The following EFCAB5 variants were observed in gnomAD, a reference collection of about 807,000 sequenced individuals.
EFCAB5 encodes EF-hand calcium-binding domain-containing protein 5.
In EFCAB5, 131 loss-of-function variants were observed where a neutral mutation model predicts 167.9. The observed-to-expected ratio is 0.78, with a 90% confidence interval of 0.68 to 0.90. EFCAB5 has a LOEUF of 0.90. Among genes scored for constraint, EFCAB5 ranks in the 40% least tolerant of loss-of-function variants. The probability of loss-of-function intolerance (pLI) is 0.00; values close to 1 mark genes in which losing one functional copy is unlikely to be tolerated. For missense variants in EFCAB5, 1,663 were observed against 1,745.2 expected (o/e 0.95, Z 0.84); for synonymous variants, 574 against 602.8 (o/e 0.95, Z 0.70).
chr17:30,027,424 T>A (rs1597692362), intron 7 of EFCAB5, among the ~76,000 whole-genome samples: 1 of 151,794 alleles, frequency 6.6e-6, no homozygotes, highest in East Asian at 1.9e-4. Flanking sequence ...ACTCTCTTTA[T>A]ACTTTATTAG....
intron 8 of EFCAB5, among the ~76,000 whole-genome samples, chr17:30,043,195 A>G (rs552821400): frequency 1.5e-4 from 23 of 152,292 alleles, no homozygotes; most frequent in African/African-American, 5.1e-4. Flanking sequence ...ACAAAATTCA[A>G]CACTCATTTC....
At chr17:30,039,725 C>A (rs1206312514) in intron 8 of EFCAB5, among the ~76,000 whole-genome samples, 6 of 152,202 alleles carry the variant, frequency 3.9e-5, no homozygotes, top group African/African-American at 9.6e-5. Flanking sequence ...ACCAGTGTAA[C>A]CCAGTGCTTA....
In EFCAB5 at chr17:29,989,343, G is replaced by A. The variant is rs11871224; in HGVS notation, c.768-3822G>A. Among the ~76,000 whole-genome samples, 328 of 152,326 alleles carry A rather than the reference G, an allele frequency of 2.2e-3. 2 individuals are homozygous for A. Among genetic ancestry groups the A allele is most frequent in the African/African-American group, 7.8e-3 (323 of 41,584 alleles). On this transcript the variant is annotated intron_variant, in intron 4 of 22. Transcript: ENST00000394835. Reference sequence around the variant, plus strand: ...TCCATATAATGAATAATGTAACACTGTGAAAATTTTTTACGAGTAGGTTCA... The same window carrying A: ...TCCATATAATGAATAATGTAACACTATGAAAATTTTTTACGAGTAGGTTCA...
intron 8 of EFCAB5, among the ~76,000 whole-genome samples, chr17:30,040,467 C>G (rs142777131): frequency 4.7e-4 from 71 of 152,268 alleles, no homozygotes; most frequent in African/African-American, 1.6e-3. Context: ...TACTTATGCT[C>G]TAGTTCAGAT....
intron 7 of EFCAB5, among the ~76,000 whole-genome samples, chr17:30,023,500 A>C (rs1337460592): frequency 6.6e-6 from 1 of 152,178 alleles, no homozygotes; most frequent in Non-Finnish European, 1.5e-5. Context: ...GAATCACTGA[A>C]TAGACCAATA....
Position 30,003,645 on chromosome 17 carries a change from G to A in EFCAB5, c.1044+3669G>A, listed in dbSNP as rs377083600. ...CTGAGTTGTATTTTTCAAAATTTTC[G>A]TTTTTCTTCATGTCTTTTATTTCTT... On this transcript the variant is annotated intron_variant, in intron 7 of 22. Coordinates refer to ENST00000394835, the MANE Select transcript of EFCAB5 (RefSeq NM_198529.4). Among the ~76,000 whole-genome samples, 30 of 150,034 alleles carry A rather than the reference G, an allele frequency of 2.0e-4. No homozygotes were observed. In the East Asian group the frequency reaches 3.1e-3, roughly 16 times the overall value.
chr17:30,010,007 C>G (rs1031866656), intron 7 of EFCAB5, among the ~76,000 whole-genome samples: 3 of 152,022 alleles, frequency 2.0e-5, no homozygotes, highest in African/African-American at 7.2e-5. Context: ...TGTCCTATGT[C>G]CAAGTGTTCT....
intron 6 of EFCAB5, among the ~76,000 whole-genome samples, chr17:29,998,024 AATTG>A (rs2068584370): frequency 6.6e-6 from 1 of 151,612 alleles, no homozygotes; most frequent in South Asian, 2.1e-4. Flanking sequence ...ATTTTTTTCC[AATTG>A]ATTATTTGAC....
intron 1 of EFCAB5, among the ~76,000 whole-genome samples, chr17:29,931,222 A>G (rs1197600613): frequency 6.6e-6 from 1 of 152,212 alleles, no homozygotes; most frequent in Non-Finnish European, 1.5e-5. Context: ...CACCGTACAT[A>G]TCAAAGCTGT....
intron 14 of EFCAB5, among the ~76,000 whole-genome samples, chr17:30,068,074 G>A (rs570368424): frequency 3.3e-5 from 5 of 152,238 alleles, no homozygotes; most frequent in African/African-American, 1.2e-4. Context: ...GGGAGGCGGA[G>A]GCGGGTGGAT....
chr17:30,055,848 T>C, intron 10 of EFCAB5, 40 bp from the exon 11 acceptor site: 1 of 1,587,550 alleles, frequency 6.3e-7, no homozygotes, highest in Non-Finnish European at 8.6e-7. Context: ...ATGGAATATG[T>C]AATGTCTAAT....
intron 6 of EFCAB5, among the ~76,000 whole-genome samples, chr17:29,999,588 T>A (rs1256708181): frequency 6.6e-6 from 1 of 152,178 alleles, no homozygotes; most frequent in Admixed American, 6.5e-5. Context: ...TTTAAGGACC[T>A]GCTAGCATAA....
chr17:29,964,732 T>G (rs1415713063), intron 3 of EFCAB5, among the ~76,000 whole-genome samples: 1 of 152,300 alleles, frequency 6.6e-6, no homozygotes, highest in African/African-American at 2.4e-5. Flanking sequence ...ATTCTGTTGA[T>G]TTTTTCAAAG....
chr17:29,931,969 T>C (rs991316601), intron 1 of EFCAB5, among the ~76,000 whole-genome samples: 2 of 152,102 alleles, frequency 1.3e-5, no homozygotes, highest in Non-Finnish European at 2.9e-5. Flanking sequence ...AGCACTACCA[T>C]AGGAATCAGA....
chr17:30,024,884 T>C (rs916900978), intron 7 of EFCAB5, among the ~76,000 whole-genome samples: 2 of 151,622 alleles, frequency 1.3e-5, no homozygotes, highest in African/African-American at 2.4e-5. Context: ...ACGCCGCATA[T>C]CTACAACTAT....
intron 1 of EFCAB5, among the ~76,000 whole-genome samples, chr17:29,935,355 T>C (rs1222018994): frequency 6.6e-6 from 1 of 151,986 alleles, no homozygotes; most frequent in East Asian, 1.9e-4. Context: ...GGCTAGGAAT[T>C]TGAGAGCAGC....
rs1345516429 is a variant in EFCAB5 at position 29,999,947 on chromosome 17, C to A, written c.1015C>A (p.Pro339Thr). Reference protein sequence around the residue: ...KQLDITDSTEPRLNKMEFTEY... With the variant: ...KQLDITDSTETRLNKMEFTEY... ...ACTGGATATTACTGACTCAACAGAA[C>A]CAAGATTGAACAAAATGGAATTTAC... The change falls in exon 7 of 23, where the codon CCA becomes ACA. Residue 339 changes from proline to threonine, a missense_variant. Pro to Thr is a conservative substitution (Grantham distance 38). Coordinates refer to ENST00000394835, the MANE Select transcript of EFCAB5 (RefSeq NM_198529.4). 6.3e-7 allele frequency: 1 copy of A among 1,582,238 alleles called. No individual in the cohort carries two copies. Among genetic ancestry groups the A allele is most frequent in the South Asian group, 1.2e-5 (1 of 86,160 alleles).
At chr17:30,029,110 C>T (rs533642408) in intron 7 of EFCAB5, among the ~76,000 whole-genome samples, 1 of 151,966 alleles carries the variant, frequency 6.6e-6, no homozygotes, top group Non-Finnish European at 1.5e-5. Context: ...ATAAATGTGG[C>T]CTTTGTTCAA....
At chr17:29,997,170 A>G (rs886530518) in intron 6 of EFCAB5, among the ~76,000 whole-genome samples, 1 of 151,700 alleles carries the variant, frequency 6.6e-6, no homozygotes, top group Middle Eastern at 3.2e-3. Flanking sequence ...ACTTGAACCC[A>G]GGAGGCGGAG....
Sources: gnomAD v4.1 joint callset for allele counts (sites outside exome capture counted in the v4.1 genomes callset) on GRCh38, gnomAD v4.1.1 for gene constraint, MANE v1.5 for transcripts, NCBI Gene and HGNC (gene_info 2026-07-23, HGNC 2026-07-21) for gene names.